The following DAPK2 variants were observed in gnomAD, a reference collection of about 807,000 sequenced individuals.
DAPK2 encodes death-associated protein kinase 2.
DAPK2 carries 35 observed loss-of-function variants against 44.1 expected under a neutral mutation model. The observed-to-expected ratio is 0.79, with a 90% CI of 0.61 to 1.05. The LOEUF (loss-of-function observed/expected upper bound fraction) is 1.05. Ranked by LOEUF, DAPK2 falls within the 50% of genes least tolerant of loss-of-function variation. The pLI, the probability that DAPK2 is intolerant of heterozygous loss-of-function variation, is 0.00. For synonymous variants in DAPK2, 174 were observed against 182.6 expected, an observed-to-expected ratio of 0.95 and a Z score of 0.38; for missense variants, 453 against 483.2, an observed-to-expected ratio of 0.94 and a Z score of 0.59.
intron 3 of DAPK2, among the ~76,000 whole-genome samples, chr15:63,940,568 TG>T (rs1595761964): frequency 1.3e-5 from 2 of 151,828 alleles, no homozygotes; most frequent in Admixed American, 6.6e-5. Context: ...AAAAGTTAGG[TG>T]GGTGTGGTGG....
chr15:64,018,966 C>T (rs2079609260), intron 1 of DAPK2, among the ~76,000 whole-genome samples: 1 of 152,208 alleles, frequency 6.6e-6, no homozygotes. Flanking sequence ...TTCCTCCTCC[C>T]TAAAAGGTGG....
chr15:63,997,965 C>A lies in DAPK2; in HGVS notation c.93-14211G>T, dbSNP rs539763888. The stretch of plus-strand genomic sequence containing the variant: ...TCCACACAAGTGCCCACAATGGCAT[C>A]CAGCACATGGTAAACACCAACAAAT... On this transcript the variant is annotated intron_variant, in intron 1 of 10. Transcript: ENST00000261891. 1.1e-3 allele frequency among the ~76,000 whole-genome samples: 170 copies of A among 152,352 alleles called. 2 individuals carry two copies. The South Asian group carries it at 0.022, about 19-fold the overall frequency.
At chr15:63,965,351 G>A (rs971436849) in intron 3 of DAPK2, among the ~76,000 whole-genome samples, 13 of 152,210 alleles carry the variant, frequency 8.5e-5, no homozygotes, top group Admixed American at 2.0e-4. Context: ...GGCTAGGGGA[G>A]GGGGAACACA....
chr15:64,044,096 T>A (rs1028151259), upstream of DAPK2, among the ~76,000 whole-genome samples: 4 of 152,148 alleles, frequency 2.6e-5, no homozygotes, highest in African/African-American at 9.7e-5. Context: ...AGGACCCAGA[T>A]AAGGAGCCAG....
intron 3 of DAPK2, among the ~76,000 whole-genome samples, chr15:63,953,720 T>C (rs1048032513): frequency 2.0e-5 from 3 of 152,228 alleles, no homozygotes; most frequent in African/African-American, 7.2e-5. Context: ...GTGGTTGTAT[T>C]AACTTACATT....
chr15:63,997,031 T>C (rs1362398442), intron 1 of DAPK2, among the ~76,000 whole-genome samples: 3 of 152,080 alleles, frequency 2.0e-5, no homozygotes, highest in Non-Finnish European at 2.9e-5. Context: ...TAGAAGCACA[T>C]CTTCCTCTAC....
At chr15:64,023,009 A>T (rs75932733) in intron 1 of DAPK2, among the ~76,000 whole-genome samples, 1 of 152,150 alleles carries the variant, frequency 6.6e-6, no homozygotes, top group East Asian at 1.9e-4. Flanking sequence ...TAGGAGACTC[A>T]CTGTAGGTAC....
chr15:63,950,104 A>G (rs1415311432), intron 3 of DAPK2, among the ~76,000 whole-genome samples: 1 of 152,226 alleles, frequency 6.6e-6, no homozygotes, highest in Non-Finnish European at 1.5e-5. Flanking sequence ...TTCAGGTTTT[A>G]GTATGGAAAT....
At chr15:63,928,539 CAG>C (rs2079389074) in intron 6 of DAPK2, 1 of 152,214 alleles carries the variant, frequency 6.6e-6, no homozygotes, top group South Asian at 2.1e-4. Context: ...GTGCATGTTC[CAG>C]AGTCAGGGCT....
At chr15:63,925,812 C>T (rs1016516007) in intron 7 of DAPK2, 129 bp downstream of exon 8, 1 of 1,202,128 alleles carries the variant, frequency 8.3e-7, no homozygotes, top group African/African-American at 1.5e-5. Context: ...TTTCCAGCAC[C>T]TGCCCGGATT....
At chr15:64,030,548 C>T (rs948073705) in intron 1 of DAPK2, among the ~76,000 whole-genome samples, 3 of 151,988 alleles carry the variant, frequency 2.0e-5, no homozygotes, top group African/African-American at 7.3e-5. Flanking sequence ...TCACTGCTGC[C>T]CTATGCAGAG....
intron 3 of DAPK2, among the ~76,000 whole-genome samples, chr15:63,956,909 T>C (rs545818866): frequency 1.3e-5 from 2 of 152,334 alleles, no homozygotes; most frequent in East Asian, 1.9e-4. Flanking sequence ...AAGACTTTTA[T>C]TGTGGCCTAA....
chr15:63,997,100 C>T (rs1002900646), intron 1 of DAPK2, among the ~76,000 whole-genome samples: 9 of 152,192 alleles, frequency 5.9e-5, no homozygotes, highest in Non-Finnish European at 7.4e-5. Flanking sequence ...AGGCAAGCGG[C>T]TCAGAGTGCA....
chr15:63,955,335 T>C (rs780455255), intron 3 of DAPK2, among the ~76,000 whole-genome samples: 1 of 152,218 alleles, frequency 6.6e-6, no homozygotes, highest in Non-Finnish European at 1.5e-5. Flanking sequence ...TGTGGGGATG[T>C]TGAATTCTAT....
intron 3 of DAPK2, among the ~76,000 whole-genome samples, chr15:63,951,700 C>A (rs768417471): frequency 7.9e-5 from 12 of 152,152 alleles, no homozygotes; most frequent in Non-Finnish European, 1.6e-4. Context: ...GTCACTCTAC[C>A]CCCTGGCATA....
Position 63,937,104 on chromosome 15 carries a change from G to T in DAPK2, c.583+2128C>A, listed in dbSNP as rs374885402. ...TGGGTCTGAGGTTAGAATATCAAAG[G>T]AATGGTGGGAGCAGGGGAAAATGGT... On this transcript the variant is annotated intron_variant, in intron 4 of 10. Transcript: ENST00000261891. 1.3e-4 allele frequency among the ~76,000 whole-genome samples: 20 copies of T among 152,208 alleles called. 1 individual carries two copies. Among genetic ancestry groups the T allele is most frequent in the African/African-American group, 4.8e-4 (20 of 41,536 alleles).
At chr15:63,949,150 A>C (rs1244688732) in intron 3 of DAPK2, among the ~76,000 whole-genome samples, 4 of 152,198 alleles carry the variant, frequency 2.6e-5, no homozygotes, top group African/African-American at 9.6e-5. Context: ...GTGGCTTAGG[A>C]AAGGGCCTGA....
At chr15:63,942,156 G>C (rs2140466705) in intron 3 of DAPK2, 1 of 951,866 alleles carries the variant, frequency 1.1e-6, no homozygotes, top group South Asian at 4.9e-5. Flanking sequence ...TGGTGGAGGG[G>C]AAGAATTGAG....
Position 63,945,144 on chromosome 15 carries a change from C to T in DAPK2, c.454-5783G>A, listed in dbSNP as rs568623095. On this transcript the variant is annotated intron_variant, in intron 3 of 10. Coordinates refer to ENST00000261891, the Ensembl canonical transcript of DAPK2. Reference sequence around the variant, plus strand: ...CCTCCTGAGTAGTTGGGATTACAGACATGAGCCACCCTGACCACCCAGCTA... The same window carrying T: ...CCTCCTGAGTAGTTGGGATTACAGATATGAGCCACCCTGACCACCCAGCTA... Among the ~76,000 whole-genome samples the T allele has an allele frequency of 2.0e-5, 3 of 152,282 alleles. No individual in the cohort carries two copies. In the South Asian group the frequency reaches 6.2e-4, roughly 32 times the overall value.
Sources: allele counts gnomAD v4.1 joint callset (sites outside exome capture counted in the v4.1 genomes callset), GRCh38; gene constraint gnomAD v4.1.1; transcripts MANE v1.5; gene names NCBI Gene and HGNC (gene_info 2026-07-23, HGNC 2026-07-21).